The following CFAP46 variants were observed in gnomAD, a reference collection of about 807,000 sequenced individuals.
The protein encoded by CFAP46 is cilia and flagella associated protein 46, also known as cilia- and flagella-associated protein 46.
CFAP46 carries 245 observed loss-of-function variants against 325.7 expected under a neutral mutation model. The observed-to-expected ratio is 0.75, with a 90% CI of 0.68 to 0.84. CFAP46 has a LOEUF of 0.84. CFAP46 is among the 40% of genes least tolerant of loss of function. The pLI is 0.00. For missense variants in CFAP46, 3,346 were observed against 3,543.0 expected (o/e 0.94, Z 1.41); for synonymous variants, 1,523 against 1,495.9 (o/e 1.02, Z -0.42).
At chr10:132,824,070 CTGA>C (rs1337122881) in intron 50 of CFAP46, among the ~76,000 whole-genome samples, 4 of 110,980 alleles carry the variant, frequency 3.6e-5, no homozygotes, top group African/African-American at 1.5e-4. Flanking sequence ...CTGATGTGTG[CTGA>C]TGTGTGCACT....
At chr10:132,901,991 C>T (rs1264495708) in intron 22 of CFAP46, among the ~76,000 whole-genome samples, 2 of 152,154 alleles carry the variant, frequency 1.3e-5, no homozygotes, top group Non-Finnish European at 2.9e-5. Context: ...AATCCGTCCC[C>T]ATGCTAACTC....
rs1439964474 is a variant in CFAP46, at chr10:132,876,700, C to G, written c.4362+112G>C. Reference sequence around the variant, plus strand: ...AGGCTGGGGGCTGATGGGACTCTGTCCTGTCCTCCTTTTTCTGGCTACAGT... The same window carrying G: ...AGGCTGGGGGCTGATGGGACTCTGTGCTGTCCTCCTTTTTCTGGCTACAGT... On this transcript the variant is annotated intron_variant, in intron 31 of 57. Coordinates refer to ENST00000368586, the MANE Select transcript of CFAP46 (RefSeq NM_001200049.3). This position sits in a 1 kb window ranked among gnomAD's most constrained non-coding sequence, Gnocchi z 4.1. 8.5e-7 allele frequency: 1 copy of G among 1,171,494 alleles called. No homozygotes were observed. Among genetic ancestry groups the G allele is most frequent in the Non-Finnish European group, 1.2e-6 (1 of 844,038 alleles). 72.6% of individuals were successfully genotyped at this position (1,171,494 alleles called of 1,614,324 possible). A position where few individuals can be genotyped will look rare whatever the true frequency, so the allele number is the denominator to read the frequency against.
intron 8 of CFAP46, 25 bp from the exon 9 acceptor site, chr10:132,929,829 A>G: frequency 6.3e-7 from 1 of 1,583,208 alleles, no homozygotes. Context: ...ACCAGCCAGC[A>G]CCGGCTCAAT....
In CFAP46 at chr10:132,810,628, C is replaced by T. The variant is rs778189166; in HGVS notation, c.7584-139G>A. On this transcript the variant is annotated intron_variant, in intron 56 of 57. Transcript: ENST00000368586. ...CCCGCAGCGCGTTGTCCTGCAGCAG[C>T]GTCGGCCACTGGTTTGCCAGGATGC... 236 of 805,604 alleles carry T rather than the reference C, an allele frequency of 2.9e-4. 1 individual carries two copies. The highest frequency in any genetic ancestry group is 4.8e-4 in the East Asian group (18 of 37,658). 49.9% of individuals were successfully genotyped at this position (805,604 alleles called of 1,614,324 possible). A position where few individuals can be genotyped will look rare whatever the true frequency, so the allele number is the denominator to read the frequency against.
chr10:132,879,729 C>T (rs1239659968), intron 28 of CFAP46, 98 bp from the exon 29 acceptor site: 29 of 1,224,660 alleles, frequency 2.4e-5, no homozygotes, highest in African/African-American at 6.2e-5. Flanking sequence ...GTGGACTGCC[C>T]GGTGCCTCGC....
chr10:132,814,548 C>T (rs757299558), intron 53 of CFAP46, 29 bp downstream of exon 53: 1 of 1,552,878 alleles, frequency 6.4e-7, no homozygotes, highest in East Asian at 2.4e-5. Flanking sequence ...TGGCGTGTGC[C>T]TGAACAGGGA....
Position 132,914,089 on chromosome 10 carries a change from C to CT in CFAP46, c.2121-832_2121-831insA, listed in dbSNP as rs1234368615. Reference sequence around the variant, plus strand: ...CGAGGCTGTGTCCAGCCACACTGCACCCCGGCCCGAGGCTGTGTCCAGCCA... The same window carrying CT: ...CGAGGCTGTGTCCAGCCACACTGCACTCCCGGCCCGAGGCTGTGTCCAGCCA... On this transcript the variant is annotated intron_variant, in intron 17 of 57. Coordinates refer to ENST00000368586, the MANE Select transcript of CFAP46 (RefSeq NM_001200049.3). 1.4e-4 allele frequency among the ~76,000 whole-genome samples: 17 copies of CT among 121,562 alleles called. 2 individuals carry two copies. The East Asian group carries it at 1.8e-3, about 13-fold the overall frequency. 79.7% of individuals were successfully genotyped at this position (121,562 alleles called of 152,430 possible).
intron 13 of CFAP46, among the ~76,000 whole-genome samples, chr10:132,920,475 C>T (rs998840591): frequency 1.3e-5 from 2 of 152,208 alleles, no homozygotes; most frequent in Admixed American, 6.5e-5. Flanking sequence ...GCTGGCTGCG[C>T]TGTCCAGCTG....
intron 20 of CFAP46, 32 bp downstream of exon 20, chr10:132,909,883 CTCAG>C: frequency 1.4e-6 from 2 of 1,392,318 alleles, no homozygotes; most frequent in Non-Finnish European, 9.3e-7. Context: ...TCCACAGGGC[CTCAG>C]TCAGAGCCCA....
rs571990669 is a variant in CFAP46, at chr10:132,912,782, G to A, written c.2372C>T (p.Ala791Val). ...VMLVTLCNTL[A>V]RGLIISWIPV... ...AATCCAGCTGATGATCAGGCCTCGC[G>A]CCAAGGTGTTGCAGAGCGTCACCAG... Residue 791 changes from alanine (A) to valine (V), a missense_variant, in exon 19 of 58, where the codon GCG (alanine) becomes GTG (valine). Transcript: ENST00000368586. 61 of 1,549,914 alleles carry A rather than the reference G, an allele frequency of 3.9e-5. No homozygotes were observed. The South Asian group carries it at 4.4e-4, about 11-fold the overall frequency.
intron 50 of CFAP46, among the ~76,000 whole-genome samples, chr10:132,826,385 C>A (rs1848051958): frequency 7.4e-6 from 1 of 135,470 alleles, no homozygotes; most frequent in Non-Finnish European, 1.6e-5. Context: ...GGAGCCAGAG[C>A]CACAGAGACC....
intron 13 of CFAP46, among the ~76,000 whole-genome samples, chr10:132,920,884 G>A (rs73395215): frequency 1.3e-5 from 2 of 152,238 alleles, no homozygotes; most frequent in African/African-American, 2.4e-5. Context: ...CAGGCAGCCA[G>A]CAGCACACGC....
chr10:132,913,099 C>T lies in CFAP46; in HGVS notation c.2280G>A (p.Leu760=), dbSNP rs1849579185. 2 of 1,550,404 alleles carry T rather than the reference C, an allele frequency of 1.3e-6. No individual in the cohort carries two copies. The highest frequency in any genetic ancestry group is 2.7e-5 in the African/African-American group (2 of 73,186). ...TCAGGAGGTGGTACAGGGCGTCCACCAGCTCCTTCTGCCGCCCGGCCAGGA... is the reference window on the plus strand; with the variant it reads ...TCAGGAGGTGGTACAGGGCGTCCACTAGCTCCTTCTGCCGCCCGGCCAGGA... The part of the protein sequence containing the change: ...HLILAGRQKE[L]VDALYHLLSI... The change falls in exon 18 of 58, where the codon CTG becomes CTA. Residue 760 remains leucine, a synonymous_variant. Coordinates refer to ENST00000368586, the MANE Select transcript of CFAP46 (RefSeq NM_001200049.3).
chr10:132,942,242 G>A, intron 1 of CFAP46, 138 bp from the exon 2 acceptor site: 2 of 1,266,024 alleles, frequency 1.6e-6, no homozygotes, highest in Non-Finnish European at 2.1e-6. Flanking sequence ...CGCCGCCAGG[G>A]AGCAGCGGTG....
chr10:132,880,826 G>A (rs745941653), intron 28 of CFAP46, 35 bp downstream of exon 28: 140 of 1,533,308 alleles, frequency 9.1e-5, no homozygotes, highest in African/African-American at 2.1e-4. Flanking sequence ...GGGGAGCGGC[G>A]TGGGGTCGGC....
At chr10:132,932,590 G>A (rs1404523146) in intron 8 of CFAP46, among the ~76,000 whole-genome samples, 1 of 148,054 alleles carries the variant, frequency 6.8e-6, no homozygotes, top group Non-Finnish European at 1.5e-5. Context: ...CATAGATCCT[G>A]CAGCTTCCTC....
At chr10:132,925,312 A>C (rs1427589261) in intron 10 of CFAP46, among the ~76,000 whole-genome samples, 4 of 152,170 alleles carry the variant, frequency 2.6e-5, no homozygotes, top group Non-Finnish European at 5.9e-5. Flanking sequence ...CACCTCCCAC[A>C]AGCCCTGCTG....
chr10:132,870,880 G>A (rs545726614), intron 32 of CFAP46, among the ~76,000 whole-genome samples: 36 of 152,328 alleles, frequency 2.4e-4, no homozygotes, highest in Middle Eastern at 6.8e-3. Flanking sequence ...ACTGTAGACC[G>A]CACAGCCTTC....
intron 39 of CFAP46, among the ~76,000 whole-genome samples, chr10:132,856,838 TG>T (rs747653186): frequency 2.6e-5 from 4 of 152,382 alleles, no homozygotes; most frequent in South Asian, 2.1e-4. Flanking sequence ...ATTTGGGCTT[TG>T]TCTTCCTTTG....
Sources: allele counts gnomAD v4.1 joint callset (sites outside exome capture counted in the v4.1 genomes callset), GRCh38; gene constraint gnomAD v4.1.1; non-coding constraint Gnocchi (gnomAD v3.1); transcripts MANE v1.5; gene names NCBI Gene and HGNC (gene_info 2026-07-23, HGNC 2026-07-21).